The following SKI variants were observed in gnomAD, a reference collection of about 807,000 sequenced individuals.
SKI encodes ski oncogene.
SKI carries 23 observed loss-of-function variants against 59.3 expected under a neutral mutation model. That is an observed-to-expected ratio of 0.39 (90% CI 0.28 to 0.55). The LOEUF is 0.55. SKI is among the 20% of genes least tolerant of loss of function. The pLI is 0.67. For synonymous variants in SKI, 673 were observed against 488.6 expected (o/e 1.38, Z -4.98); for missense variants, 1,017 against 1,038.9 (o/e 0.98, Z 0.29).
Position 2,269,545 on chromosome 1 carries a change from C to T in SKI, c.970-33433C>T, listed in dbSNP as rs1431630426. ...CCCCGTTCCAGGCCCGCACTAGTGG[C>T]GCCTGGTTATCAGGTGTGGTGAGGA... On this transcript the variant is annotated intron_variant, in intron 1 of 6. Transcript: ENST00000378536. The surrounding 1 kb of genome is among the most constrained non-coding windows in gnomAD (Gnocchi z 4.7). Among the ~76,000 whole-genome samples the T allele has an allele frequency of 2.0e-5, 3 of 152,258 alleles. No individual in the cohort carries two copies. Among genetic ancestry groups the T allele is most frequent in the Non-Finnish European group, 2.9e-5 (2 of 68,044 alleles).
chr1:2,231,608 TCCCCAGCA>T (rs983069577), intron 1 of SKI, among the ~76,000 whole-genome samples: 2 of 152,142 alleles, frequency 1.3e-5, no homozygotes, highest in Non-Finnish European at 2.9e-5. Flanking sequence ...CCTTTTGAAG[TCCCCAGCA>T]CTGCTCTGAA....
intron 1 of SKI, among the ~76,000 whole-genome samples, chr1:2,294,726 C>T (rs1640245704): frequency 6.6e-6 from 1 of 152,254 alleles, no homozygotes; most frequent in South Asian, 2.1e-4. Flanking sequence ...CCCCCGCTAG[C>T]TGCTTCTCAC....
At chr1:2,274,109 A>T (rs12047069) in intron 1 of SKI, among the ~76,000 whole-genome samples, 1 of 150,774 alleles carries the variant, frequency 6.6e-6, no homozygotes, top group Non-Finnish European at 1.5e-5. Context: ...AGGCACCTCC[A>T]GGTAAGGGGG....
chr1:2,274,326 G>A (rs1035709682), intron 1 of SKI, among the ~76,000 whole-genome samples: 10 of 152,142 alleles, frequency 6.6e-5, no homozygotes, highest in Non-Finnish European at 1.3e-4. Flanking sequence ...GGGGCTGCCG[G>A]CTCACGGTTC....
At chr1:2,239,493 A>C (rs927493573) in intron 1 of SKI, among the ~76,000 whole-genome samples, 6 of 152,166 alleles carry the variant, frequency 3.9e-5, no homozygotes, top group African/African-American at 1.2e-4. Flanking sequence ...GAGAACCTTC[A>C]TCCCATGTGG....
Position 2,306,427 on chromosome 1 carries a change from G to T in SKI, c.1999-150G>T, listed in dbSNP as rs537149357. 6.1e-6 allele frequency: 6 copies of T among 988,172 alleles called. No homozygotes were observed. In the Admixed American group the frequency reaches 1.0e-4, roughly 17 times the overall value. The allele number at this position is 988,172 out of a possible 1,614,324, so 61.2% of individuals were successfully genotyped here. ...GGGTGGTTGCTGGGCCCTGCGTCTCGTGAGCCTGTGTCCTAGCAGGTGGAG... is the reference window on the plus strand; with the variant it reads ...GGGTGGTTGCTGGGCCCTGCGTCTCTTGAGCCTGTGTCCTAGCAGGTGGAG... On this transcript the variant is annotated intron_variant, in intron 6 of 6. Coordinates refer to ENST00000378536, the MANE Select transcript of SKI (RefSeq NM_003036.4).
intron 1 of SKI, among the ~76,000 whole-genome samples, chr1:2,240,009 C>T (rs1010003172): frequency 1.3e-5 from 2 of 151,856 alleles, no homozygotes; most frequent in Admixed American, 6.6e-5. Flanking sequence ...CCCAGCTGAA[C>T]GTCGTTATTT....
At chr1:2,240,143 G>T (rs1363979037) in intron 1 of SKI, among the ~76,000 whole-genome samples, 1 of 152,246 alleles carries the variant, frequency 6.6e-6, no homozygotes, top group East Asian at 1.9e-4. Flanking sequence ...AGGGCTGAGG[G>T]AGGTGGCCAG....
chr1:2,288,438 G>C (rs1403910345), intron 1 of SKI, among the ~76,000 whole-genome samples: 3 of 152,242 alleles, frequency 2.0e-5, no homozygotes, highest in Non-Finnish European at 4.4e-5. Context: ...TTTACTTAAA[G>C]GTACATGTTC....
chr1:2,289,098 C>G (rs952034649), intron 1 of SKI, among the ~76,000 whole-genome samples: 48 of 152,190 alleles, frequency 3.2e-4, no homozygotes, highest in African/African-American at 1.1e-3. Flanking sequence ...CTGCAGGAGA[C>G]CTGGTGGCTC....
chr1:2,272,169 C>T (rs1040466364), intron 1 of SKI, among the ~76,000 whole-genome samples: 2 of 152,224 alleles, frequency 1.3e-5, no homozygotes, highest in South Asian at 2.1e-4. Context: ...GACCTCTTGC[C>T]CTCTGCACAG....
intron 1 of SKI, among the ~76,000 whole-genome samples, chr1:2,244,933 T>C (rs1638959643): frequency 6.6e-6 from 1 of 152,162 alleles, no homozygotes; most frequent in Non-Finnish European, 1.5e-5. Context: ...AACAGAAAAG[T>C]AGTTACAGAA....
At chr1:2,234,535 C>T (rs560795977) in intron 1 of SKI, among the ~76,000 whole-genome samples, 5 of 152,342 alleles carry the variant, frequency 3.3e-5, no homozygotes, top group South Asian at 2.1e-4. Context: ...GAACCCCGCC[C>T]TGGAGTCTCT....
At chr1:2,291,991 A>G (rs1044364261) in intron 1 of SKI, among the ~76,000 whole-genome samples, 3 of 152,256 alleles carry the variant, frequency 2.0e-5, no homozygotes, top group Admixed American at 2.0e-4. Context: ...TGAAAAGTGA[A>G]TTATCATGTG....
chr1:2,289,926 G>A (rs1039112660), intron 1 of SKI, among the ~76,000 whole-genome samples: 1 of 152,156 alleles, frequency 6.6e-6, no homozygotes, highest in Non-Finnish European at 1.5e-5. Context: ...ACTCCACAGA[G>A]GGGGTGCAGG....
rs377538877 is a variant in SKI, at chr1:2,295,214, G to A, written c.970-7764G>A. Reference sequence around the variant, plus strand: ...AGGTGTGCCAGTGTGGCAGCCCTGCGCCAGGAGCTGCCCCTGCATGTCATG... The same window carrying A: ...AGGTGTGCCAGTGTGGCAGCCCTGCACCAGGAGCTGCCCCTGCATGTCATG... On this transcript the variant is annotated intron_variant, in intron 1 of 6. Transcript: ENST00000378536. 1.3e-3 allele frequency among the ~76,000 whole-genome samples: 195 copies of A among 152,234 alleles called. 1 individual carries two copies. Among genetic ancestry groups the A allele is most frequent in the African/African-American group, 4.6e-3 (192 of 41,548 alleles).
intron 1 of SKI, among the ~76,000 whole-genome samples, chr1:2,256,881 T>A (rs572261536): frequency 1.3e-5 from 2 of 152,268 alleles, no homozygotes; most frequent in African/African-American, 4.8e-5. Context: ...TATTGGGCCC[T>A]TGTCAGGTTT....
chr1:2,246,047 C>T (rs768520095), intron 1 of SKI, among the ~76,000 whole-genome samples: 13 of 151,616 alleles, frequency 8.6e-5, no homozygotes, highest in African/African-American at 2.7e-4. Context: ...CATCCCGCCT[C>T]GGCCTCCCAA....
chr1:2,256,619 T>G (rs1639280562), intron 1 of SKI, among the ~76,000 whole-genome samples: 1 of 152,214 alleles, frequency 6.6e-6, no homozygotes, highest in South Asian at 2.1e-4. Context: ...GGCACGTGCT[T>G]TGGGTGTTGC....
Sources: gnomAD v4.1 joint callset for allele counts (sites outside exome capture counted in the v4.1 genomes callset) on GRCh38, gnomAD v4.1.1 for gene constraint, Gnocchi (gnomAD v3.1) non-coding constraint, MANE v1.5 for transcripts, NCBI Gene and HGNC (gene_info 2026-07-23, HGNC 2026-07-21) for gene names.